KIFC3: variants seen among roughly 807,000 people sequenced by gnomAD.
KIFC3 encodes the protein kinesin family member C3, also known as kinesin-like protein KIFC3.
Under a neutral mutation model 101.8 loss-of-function variants are expected in KIFC3, and 60 were observed. The ratio of observed to expected loss-of-function variants is 0.59; its 90% CI spans 0.48 to 0.73. The LOEUF is 0.73. KIFC3 is among the 30% of genes least tolerant of loss of function. The pLI is 0.00. For missense variants in KIFC3, 966 were observed against 1,137.1 expected (o/e 0.85, Z 2.16); for synonymous variants, 476 against 482.7 (o/e 0.99, Z 0.18).
chr16:57,775,879 CCAGGCTCCT>C (rs1313481700), intron 3 of KIFC3: 5 of 985,418 alleles, frequency 5.1e-6, no homozygotes, highest in Non-Finnish European at 6.0e-6. Flanking sequence ...CCTCCCGGGC[CCAGGCTCCT>C]CATCAGCCAG....
chr16:57,782,035 CTG>C, intron 3 of KIFC3: 1 of 985,488 alleles, frequency 1.0e-6, no homozygotes, highest in Non-Finnish European at 1.2e-6. Flanking sequence ...AGTGTACCCC[CTG>C]GCGGGCTTTG....
intron 1 of KIFC3, among the ~76,000 whole-genome samples, chr16:57,826,581 A>G (rs974431980): frequency 3.9e-5 from 6 of 152,204 alleles, no homozygotes; most frequent in Admixed American, 2.6e-4. Context: ...AACAAAACAA[A>G]ACAAAATAAA....
intron 19 of KIFC3, 69 bp from the exon 20 acceptor site, chr16:57,758,978 A>G (rs563095643): frequency 1.9e-6 from 3 of 1,539,540 alleles, no homozygotes; most frequent in African/African-American, 1.4e-5. Context: ...GTTGCCACCG[A>G]GAGCAGGAGG....
chr16:57,814,397 G>A (rs1444590596), intron 1 of KIFC3, among the ~76,000 whole-genome samples: 3 of 152,148 alleles, frequency 2.0e-5, no homozygotes, highest in African/African-American at 4.8e-5. Context: ...GGAGGTCCCT[G>A]ATTCAGGCTC....
At chr16:57,789,749 T>A (rs1555619433) in intron 3 of KIFC3, among the ~76,000 whole-genome samples, 1 of 152,184 alleles carries the variant, frequency 6.6e-6, no homozygotes, top group African/African-American at 2.4e-5. Flanking sequence ...TTTTCTTTTC[T>A]TTTTTTAAAT....
chr16:57,764,275 TG>T (rs1302775063), intron 11 of KIFC3, 28 bp from the exon 12 acceptor site: 7 of 539,910 alleles, frequency 1.3e-5, no homozygotes, highest in East Asian at 4.6e-5. Flanking sequence ...GGGAGGCTGG[TG>T]GGGGGGCTTC....
At chr16:57,836,615 A>C (rs184043009) in intron 1 of KIFC3, among the ~76,000 whole-genome samples, 107 of 152,310 alleles carry the variant, frequency 7.0e-4, no homozygotes, top group Middle Eastern at 3.4e-3. Flanking sequence ...AAAGAAAACA[A>C]AAATGTACCC....
Position 57,758,775 on chromosome 16 carries a change from CG to C in KIFC3, c.*158del. On this transcript the variant is annotated 3_prime_UTR_variant, in exon 20 of 20. Transcript: ENST00000445690. ...CATGTTTCTCATCTTTGAGGGGAGA[CG>C]GGGCAGAAGAAGAGCCTCCACTCTC... The C allele has an allele frequency of 8.8e-7, 1 of 1,134,140 alleles. No individual in the cohort carries two copies. Among genetic ancestry groups the C allele is most frequent in the Non-Finnish European group, 1.3e-6 (1 of 752,472 alleles). 70.3% of individuals were successfully genotyped at this position (1,134,140 alleles called of 1,614,324 possible). A position where few individuals can be genotyped will look rare whatever the true frequency, so the allele number is the denominator to read the frequency against.
In KIFC3 at chr16:57,771,600, C is replaced by G. The variant is rs2051218681; in HGVS notation, c.468G>C (p.Glu156Asp). The G allele has an allele frequency of 6.2e-7, 1 of 1,613,494 alleles. No individual in the cohort carries two copies. Among genetic ancestry groups the G allele is most frequent in the Non-Finnish European group, 8.5e-7 (1 of 1,180,020 alleles). The change falls in exon 5 of 20, where the codon GAG (glutamate) becomes GAC (aspartate). Residue 156 changes from glutamate (E) to aspartate (D), a missense_variant. Glu to Asp is a conservative substitution (Grantham distance 45). Coordinates refer to ENST00000445690, the MANE Select transcript of KIFC3 (RefSeq NM_001130100.2). The stretch of plus-strand genomic sequence containing the variant: ...CTGGCTTTGTGCGCAGCTCTTGCAG[C>G]TCGGCCTCACAGCGCCGCATCTCCT... ...LRQEMRRCEA[E>D]LQELRTKPAG...
intron 3 of KIFC3, chr16:57,785,692 G>A (rs2053248079): frequency 8.4e-7 from 1 of 1,189,538 alleles, no homozygotes; most frequent in African/African-American, 1.6e-5. Context: ...TGGCTGATGA[G>A]AGGGCAGCAG....
intron 19 of KIFC3, 36 bp from the exon 20 acceptor site, chr16:57,758,945 T>A: frequency 2.7e-6 from 4 of 1,464,494 alleles, no homozygotes; most frequent in South Asian, 1.4e-5. Context: ...TCTTGTCCAC[T>A]TGCCCACCGG....
intron 1 of KIFC3, among the ~76,000 whole-genome samples, chr16:57,846,707 T>C (rs566466426): frequency 1.0e-3 from 158 of 152,324 alleles, no homozygotes; most frequent in Non-Finnish European, 2.1e-3. Context: ...CCGATCCACT[T>C]TCGTTTCATT....
intron 1 of KIFC3, among the ~76,000 whole-genome samples, chr16:57,820,577 C>A (rs1223997864): frequency 6.6e-6 from 1 of 152,206 alleles, no homozygotes; most frequent in East Asian, 1.9e-4. Context: ...CTGTGCCCAG[C>A]CCAGAGTGAT....
rs74022043 is a variant in KIFC3 at position 57,788,528 on chromosome 16, G to C, written c.315+6471C>G. 46 of 1,262,496 alleles carry C rather than the reference G, an allele frequency of 3.6e-5. No individual in the cohort carries two copies. In the African/African-American group the frequency reaches 6.9e-4, roughly 19 times the overall value. 78.2% of individuals were successfully genotyped at this position (1,262,496 alleles called of 1,614,324 possible). Reference sequence around the variant, plus strand: ...AACTGCACAAGAGCCTCCCTCCTGCGCTGGCTTCACTGGGGAGTGCCGGTT... The same window carrying C: ...AACTGCACAAGAGCCTCCCTCCTGCCCTGGCTTCACTGGGGAGTGCCGGTT... On this transcript the variant is annotated intron_variant, in intron 3 of 19. Transcript: ENST00000445690.
intron 1 of KIFC3, among the ~76,000 whole-genome samples, chr16:57,843,700 G>A (rs147332344): frequency 6.6e-6 from 1 of 152,148 alleles, no homozygotes; most frequent in African/African-American, 2.4e-5. Context: ...GTCAGATCTG[G>A]GCAGTTGGCA....
intron 1 of KIFC3, among the ~76,000 whole-genome samples, chr16:57,799,971 G>A (rs1024348570): frequency 2.0e-5 from 3 of 152,096 alleles, no homozygotes; most frequent in African/African-American, 7.2e-5. Context: ...GCGGGAGCTG[G>A]GGGAGGAAGC....
chr16:57,813,901 T>G, intron 1 of KIFC3: 1 of 977,880 alleles, frequency 1.0e-6, no homozygotes, highest in Non-Finnish European at 1.2e-6. Flanking sequence ...GGTGAAGGGA[T>G]CTACCCTGGC....
upstream of KIFC3, among the ~76,000 whole-genome samples, chr16:57,805,151 A>G (rs1365177639): frequency 6.6e-6 from 1 of 151,902 alleles, no homozygotes; most frequent in East Asian, 1.9e-4. Flanking sequence ...TTTTAAAAAG[A>G]ATATTGTGTG....
intron 1 of KIFC3, among the ~76,000 whole-genome samples, chr16:57,841,824 G>A (rs1158166705): frequency 6.6e-6 from 1 of 152,064 alleles, no homozygotes; most frequent in African/African-American, 2.4e-5. Flanking sequence ...ACCATGCCAG[G>A]CTCTCCCCAT....
Sources: gnomAD v4.1 joint callset for allele counts (sites outside exome capture counted in the v4.1 genomes callset) on GRCh38, gnomAD v4.1.1 for gene constraint, MANE v1.5 for transcripts, NCBI Gene and HGNC (gene_info 2026-07-23, HGNC 2026-07-21) for gene names.